The following PAX1 variants were observed in gnomAD, a reference collection of about 807,000 sequenced individuals.
The protein encoded by PAX1 is paired box 1.
PAX1 carries 18 observed loss-of-function variants against 35.6 expected under a neutral mutation model. The ratio of observed to expected loss-of-function variants is 0.50; its 90% CI spans 0.35 to 0.75. PAX1 has a LOEUF of 0.75. Ranked by LOEUF, PAX1 falls within the 30% of genes least tolerant of loss-of-function variation. The pLI, the probability that PAX1 is intolerant of heterozygous loss-of-function variation, is 0.01. For synonymous variants in PAX1, 397 were observed against 305.2 expected, an observed-to-expected ratio of 1.30 and a Z score of -3.14; for missense variants, 760 against 661.5, an observed-to-expected ratio of 1.15 and a Z score of -1.63.
At chr20:21,713,881 C>T (rs1409159023) in intron 4 of PAX1, among the ~76,000 whole-genome samples, 2 of 152,380 alleles carry the variant, frequency 1.3e-5, no homozygotes, top group East Asian at 1.9e-4. Context: ...GTCTGCCGCT[C>T]ACTTAAAGCG....
intron 4 of PAX1, among the ~76,000 whole-genome samples, chr20:21,712,007 G>A (rs1014983094): frequency 6.6e-6 from 1 of 152,164 alleles, no homozygotes; most frequent in Non-Finnish European, 1.5e-5. Flanking sequence ...CTCCTTTTCA[G>A]TAAGAAAAAA....
intron 4 of PAX1, among the ~76,000 whole-genome samples, chr20:21,712,800 C>A (rs1036602154): frequency 6.6e-6 from 1 of 152,212 alleles, no homozygotes; most frequent in African/African-American, 2.4e-5. Flanking sequence ...ACGCTGGCAA[C>A]CCCGGCCTCC....
chr20:21,708,804 G>A, intron 3 of PAX1, 104 bp downstream of exon 3: 1 of 1,208,132 alleles, frequency 8.3e-7, no homozygotes, highest in African/African-American at 1.5e-5. Flanking sequence ...TCCAGGCAGA[G>A]AGATGGTTGT....
In PAX1 at chr20:21,709,342, C is replaced by T; in HGVS notation, c.1180C>T (p.Pro394Ser). The change falls in exon 4 of 5, where the codon CCG becomes TCG. Residue 394 changes from proline (P) to serine (S), a missense_variant. Pro to Ser is a moderately conservative substitution (Grantham distance 74). Coordinates refer to ENST00000613128, the MANE Select transcript of PAX1 (RefSeq NM_001257096.2). ...GGYLAPGPPW[P>S]PAQGPPLAPP... ...CTACCTCGCCCCGGGCCCGCCGTGG[C>T]CGCCTGCGCAAGGTCCTCCTCTGGC... The T allele has an allele frequency of 6.3e-7, 1 of 1,598,458 alleles. No individual in the cohort carries two copies.
rs1475341496 is a variant in PAX1, at chr20:21,718,037, T to C, written c.*3475T>C. The C allele has an allele frequency of 6.6e-6, 1 of 152,216 alleles. No individual in the cohort carries two copies. The highest frequency in any genetic ancestry group is 2.4e-5 in the African/African-American group (1 of 41,466). The allele number at this position is 152,216 out of a possible 1,614,324, so 9.4% of individuals were successfully genotyped here. On this transcript the variant is annotated 3_prime_UTR_variant, in exon 5 of 5. Transcript: ENST00000613128. Reference sequence around the variant, plus strand: ...ATCTGCTCTTTGCGTACCACCAGCTTCAGCTCCAATGTACCCACTTTATTC... The same window carrying C: ...ATCTGCTCTTTGCGTACCACCAGCTCCAGCTCCAATGTACCCACTTTATTC...
chr20:21,714,449 G>A lies in PAX1; in HGVS notation c.1283-22G>A, dbSNP rs371931801. 12 of 1,538,754 alleles carry A rather than the reference G, an allele frequency of 7.8e-6. No homozygotes were observed. The African/African-American group carries it at 1.6e-4, about 21-fold the overall frequency. On this transcript the variant is annotated intron_variant, in intron 4 of 4. Coordinates refer to ENST00000613128, the MANE Select transcript of PAX1 (RefSeq NM_001257096.2). ...GCGCGGCGCTAGGTAGTGATCCGAC[G>A]CCTCTGTGCTTCCTCCCGCAGTGGC...
rs1210548682 is a variant in PAX1 at position 21,709,257 on chromosome 20, C to T, written c.1095C>T (p.Leu365=). The change falls in exon 4 of 5, where the codon CTC becomes CTT. Residue 365 remains leucine (L), a synonymous_variant. Transcript: ENST00000613128. ...ASTLSAVGGF[L]PACAYPASNQ... ...CCCTCTCTGCCGTGGGCGGCTTTCTCCCCGCCTGCGCCTACCCGGCCTCCA... is the reference window on the plus strand; with the variant it reads ...CCCTCTCTGCCGTGGGCGGCTTTCTTCCCGCCTGCGCCTACCCGGCCTCCA... 9 of 1,606,564 alleles carry T rather than the reference C, an allele frequency of 5.6e-6. No homozygotes were observed. Among genetic ancestry groups the T allele is most frequent in the African/African-American group, 1.3e-5 (1 of 75,054 alleles).
At chr20:21,708,142 G>A in intron 2 of PAX1, 1 of 318,336 alleles carries the variant, frequency 3.1e-6, no homozygotes, top group Non-Finnish European at 6.1e-6. Context: ...TCCAGAGGCA[G>A]TTCTCGTAGA....
chr20:21,715,202 C>G lies in PAX1; in HGVS notation c.*640C>G, dbSNP rs1168259947. The G allele has an allele frequency of 3.9e-6, 1 of 258,770 alleles. No homozygotes were observed. The highest frequency in any genetic ancestry group is 7.5e-6 in the Non-Finnish European group (1 of 134,214). 16.0% of individuals were successfully genotyped at this position (258,770 alleles called of 1,614,324 possible). ...TAGTTCCCTTTGTTTTACTGCTTCC[C>G]CAACCCTCCCTCAGTCCCTGAGAGC... is the stretch of plus-strand genomic sequence containing the variant. On this transcript the variant is annotated 3_prime_UTR_variant, in exon 5 of 5. Coordinates refer to ENST00000613128, the MANE Select transcript of PAX1 (RefSeq NM_001257096.2).
chr20:21,706,041 G>A lies in PAX1; in HGVS notation c.286+43G>A, dbSNP rs1351528490. On this transcript the variant is annotated intron_variant, in intron 1 of 4. Coordinates refer to ENST00000613128, the MANE Select transcript of PAX1 (RefSeq NM_001257096.2). This position sits in a 1 kb window ranked among gnomAD's most constrained non-coding sequence, Gnocchi z 5.3. ...GGCAGGGCTCGGGAGGGCTGATGAG[G>A]TGGGTCGGGTCCGCCTGCCTCCCTT... 3.5e-6 allele frequency: 5 copies of A among 1,426,840 alleles called. No individual in the cohort carries two copies. In the Admixed American group the frequency reaches 1.2e-4, roughly 36 times the overall value. 88.4% of individuals were successfully genotyped at this position (1,426,840 alleles called of 1,614,324 possible). A position where few individuals can be genotyped will look rare whatever the true frequency, so the allele number is the denominator to read the frequency against.
Position 21,706,985 on chromosome 20 carries a change from C to A in PAX1, c.834C>A (p.Gly278=), listed in dbSNP as rs1985035310. Residue 278 remains glycine, a synonymous_variant, in exon 2 of 5, where the codon GGC becomes GGA. Transcript: ENST00000613128. The surrounding 1 kb of genome is among the most constrained non-coding windows in gnomAD (Gnocchi z 5.3). The part of the protein sequence containing the change: ...GSHPGVPGTA[G]HVSIPRSWPS... ...ACCCCGGGGTCCCGGGCACGGCGGG[C>A]CACGTCAGCATCCCGCGCTCATGGC... is the stretch of plus-strand genomic sequence containing the variant. The A allele has an allele frequency of 6.2e-7, 1 of 1,612,802 alleles. No homozygotes were observed.
rs1408430102 is a variant in PAX1, at chr20:21,715,134, T to C, written c.*572T>C. 2.4e-6 allele frequency: 1 copy of C among 416,224 alleles called. No homozygotes were observed. The highest frequency in any genetic ancestry group is 4.4e-6 in the Non-Finnish European group (1 of 225,638). The allele number at this position is 416,224 out of a possible 1,614,324, so 25.8% of individuals were successfully genotyped here. On this transcript the variant is annotated 3_prime_UTR_variant, in exon 5 of 5. Transcript: ENST00000613128. ...AGCCCTTTTTCCTGGTCCATCCCTG[T>C]CGTTCCTTCTCTCTCTGTCTCTGGT... is the stretch of plus-strand genomic sequence containing the variant.
In PAX1 at chr20:21,706,417, T is replaced by C. The variant is rs376766628; in HGVS notation, c.287-21T>C. On this transcript the variant is annotated intron_variant, in intron 1 of 4. Transcript: ENST00000613128. The surrounding 1 kb of genome is among the most constrained non-coding windows in gnomAD (Gnocchi z 5.3). ...GGTGTTTTCTCCCCCTCCGGCTCAC[T>C]CTTGTCTGGCGCATCCGCAGAGCAG... The C allele has an allele frequency of 3.1e-6, 5 of 1,610,830 alleles. No individual in the cohort carries two copies. Among genetic ancestry groups the C allele is most frequent in the Non-Finnish European group, 4.2e-6 (5 of 1,179,888 alleles).
intron 4 of PAX1, among the ~76,000 whole-genome samples, chr20:21,711,242 A>T (rs547639983): frequency 5.3e-5 from 8 of 152,268 alleles, no homozygotes; most frequent in Non-Finnish European, 1.2e-4. Context: ...TCTTCAGAGG[A>T]ATGCATTTGT....
rs2122133557 is a variant in PAX1, at chr20:21,706,691, C to T, written c.540C>T (p.His180=). 1 of 1,613,328 alleles carries T rather than the reference C, an allele frequency of 6.2e-7. No individual in the cohort carries two copies. ...TCACCACTCCCAACGTGGTCAAGCA[C>T]ATCCGGGACTACAAGCAAGGAGACC... is the stretch of plus-strand genomic sequence containing the variant. ...PRVTTPNVVK[H]IRDYKQGDPG... Residue 180 remains histidine (H), a synonymous_variant, in exon 2 of 5, where the codon CAC becomes CAT. Transcript: ENST00000613128. This position sits in a 1 kb window ranked among gnomAD's most constrained non-coding sequence, Gnocchi z 5.3.
At chr20:21,713,375 T>TG (rs1283482909) in intron 4 of PAX1, among the ~76,000 whole-genome samples, 1 of 117,020 alleles carries the variant, frequency 8.5e-6, no homozygotes, top group African/African-American at 5.4e-5. Context: ...TGTGTTTTCT[T>TG]TTTTTTTTGT....
rs954131996 is a variant in PAX1, at chr20:21,706,410, G to A, written c.287-28G>A. The A allele has an allele frequency of 2.5e-6, 4 of 1,609,956 alleles. No individual in the cohort carries two copies. The highest frequency in any genetic ancestry group is 3.4e-6 in the Non-Finnish European group (4 of 1,179,940). ...CCCGCCGGGTGTTTTCTCCCCCTCC[G>A]GCTCACTCTTGTCTGGCGCATCCGC... On this transcript the variant is annotated intron_variant, in intron 1 of 4. Coordinates refer to ENST00000613128, the MANE Select transcript of PAX1 (RefSeq NM_001257096.2). This position sits in a 1 kb window ranked among gnomAD's most constrained non-coding sequence, Gnocchi z 5.3.
intron 4 of PAX1, among the ~76,000 whole-genome samples, chr20:21,713,877 C>G (rs1469003423): frequency 6.6e-6 from 1 of 152,230 alleles, no homozygotes; most frequent in Non-Finnish European, 1.5e-5. Flanking sequence ...CGTAGTCTGC[C>G]GCTCACTTAA....
At position 21,706,087 on chromosome 20, in the gene PAX1, G is replaced by C; in HGVS notation, c.286+89G>C. 1 of 1,116,738 alleles carries C rather than the reference G, an allele frequency of 9.0e-7. No homozygotes were observed. The highest frequency in any genetic ancestry group is 2.6e-5 in the East Asian group (1 of 38,656). The allele number at this position is 1,116,738 out of a possible 1,614,324, so 69.2% of individuals were successfully genotyped here. A position where few individuals can be genotyped will look rare whatever the true frequency, so the allele number is the denominator to read the frequency against. On this transcript the variant is annotated intron_variant, in intron 1 of 4. Coordinates refer to ENST00000613128, the MANE Select transcript of PAX1 (RefSeq NM_001257096.2). The surrounding 1 kb of genome is among the most constrained non-coding windows in gnomAD (Gnocchi z 5.3). ...CCCTTCCCTCTCGTCCGCTTTCCCTGGGCGACCCAGTCCTGGGTCCTGGAG... is the reference window on the plus strand; with the variant it reads ...CCCTTCCCTCTCGTCCGCTTTCCCTCGGCGACCCAGTCCTGGGTCCTGGAG...
Sources: allele counts gnomAD v4.1 joint callset (sites outside exome capture counted in the v4.1 genomes callset), GRCh38; gene constraint gnomAD v4.1.1; non-coding constraint Gnocchi (gnomAD v3.1); transcripts MANE v1.5; gene names NCBI Gene and HGNC (gene_info 2026-07-23, HGNC 2026-07-21).